Variants in SLC25A28 observed in about 807,000 individuals in gnomAD.
SLC25A28 encodes the protein solute carrier family 25 member 28.
Under a neutral mutation model 31.9 loss-of-function variants are expected in SLC25A28, and 10 were observed. The observed-to-expected ratio is 0.31, with a 90% confidence interval of 0.19 to 0.53. The LOEUF is 0.53. Among genes scored for constraint, SLC25A28 ranks in the 20% least tolerant of loss-of-function variants. SLC25A28 has a pLI of 0.95. For missense variants in SLC25A28, 256 were observed against 490.3 expected (o/e 0.52, Z 4.51); for synonymous variants, 208 against 203.6 (o/e 1.02, Z -0.19).
upstream of SLC25A28, chr10:99,621,850 A>C (rs1395474696): frequency 6.6e-6 from 1 of 152,122 alleles, no homozygotes; most frequent in Non-Finnish European, 1.5e-5. Flanking sequence ...TACTCTCTTC[A>C]GCAGTTGTTA....
the SLC25A28 span, among the ~76,000 whole-genome samples, chr10:99,640,713 CG>C: frequency 6.6e-6 from 1 of 151,352 alleles, no homozygotes; most frequent in African/African-American, 2.4e-5. Context: ...TATCCCTCCC[CG>C]CTCCCGCCAC....
the SLC25A28 span, among the ~76,000 whole-genome samples, chr10:99,651,832 C>G: frequency 6.6e-6 from 1 of 152,048 alleles, no homozygotes; most frequent in African/African-American, 2.4e-5. Context: ...CTCCTCCCAC[C>G]TCAGCCTCCC....
intron 1 of SLC25A28, chr10:99,615,676 C>T: frequency 1.0e-6 from 1 of 985,464 alleles, no homozygotes; most frequent in Non-Finnish European, 1.2e-6. Flanking sequence ...TCATCTTTCA[C>T]ATCACACAAG....
At chr10:99,632,198 G>A in the SLC25A28 span, among the ~76,000 whole-genome samples, 6 of 152,090 alleles carry the variant, frequency 3.9e-5, no homozygotes, top group Non-Finnish European at 8.8e-5. Flanking sequence ...GCCTGGCCCA[G>A]TATGTTATTT....
chr10:99,643,836 T>G, the SLC25A28 span, among the ~76,000 whole-genome samples: 1 of 152,232 alleles, frequency 6.6e-6, no homozygotes, highest in Non-Finnish European at 1.5e-5. Flanking sequence ...CAGTAGTCAT[T>G]CAGGAGCAGG....
In SLC25A28 at chr10:99,618,964, C is replaced by T. The variant is rs75305106; in HGVS notation, c.291+1081G>A. The T allele has an allele frequency of 1.5e-3, 1,442 of 985,446 alleles. 17 individuals are homozygous for T. The African/African-American group carries it at 0.021, about 15-fold the overall frequency. 61.0% of individuals were successfully genotyped at this position (985,446 alleles called of 1,614,324 possible). On this transcript the variant is annotated intron_variant, in intron 1 of 3. Transcript: ENST00000370495. The stretch of plus-strand genomic sequence containing the variant: ...GTCACTGTTTGACTATTACCCTTCA[C>T]ATGTAAAGGAGGCATCGGTCTTTGT...
Position 99,618,259 on chromosome 10 carries a change from C to T in SLC25A28, c.291+1786G>A, listed in dbSNP as rs183989166. 3.2e-5 allele frequency: 31 copies of T among 980,886 alleles called. No homozygotes were observed. The African/African-American group carries it at 4.5e-4, about 14-fold the overall frequency. The allele number at this position is 980,886 out of a possible 1,614,324, so 60.8% of individuals were successfully genotyped here. The stretch of plus-strand genomic sequence containing the variant: ...AATATATGGAGTAAGGAGATAACCT[C>T]CCGTTCTGTTATAATGGAACAGTGG... On this transcript the variant is annotated intron_variant, in intron 1 of 3. Transcript: ENST00000370495.
the SLC25A28 span, among the ~76,000 whole-genome samples, chr10:99,658,539 G>C: frequency 6.6e-6 from 1 of 152,170 alleles, no homozygotes. Context: ...AGGTCAAGTA[G>C]GGCTTTTAGG....
chr10:99,657,702 CAAT>C, the SLC25A28 span, among the ~76,000 whole-genome samples: 1 of 152,024 alleles, frequency 6.6e-6, no homozygotes, highest in African/African-American at 2.4e-5. Context: ...AGGACTTGGT[CAAT>C]GACTCAGTTT....
intron 1 of SLC25A28, chr10:99,615,692 T>TA: frequency 1.0e-6 from 1 of 985,436 alleles, no homozygotes. Flanking sequence ...ACAAGGCATA[T>TA]AAAATCCATC....
In SLC25A28 at chr10:99,613,952, T is replaced by G; in HGVS notation, c.292-28A>C. 1 of 1,559,622 alleles carries G rather than the reference T, an allele frequency of 6.4e-7. No individual in the cohort carries two copies. Among genetic ancestry groups the G allele is most frequent in the Admixed American group, 1.9e-5 (1 of 53,222 alleles). On this transcript the variant is annotated intron_variant, in intron 1 of 3. Coordinates refer to ENST00000370495, the MANE Select transcript of SLC25A28 (RefSeq NM_031212.4). This position sits in a 1 kb window ranked among gnomAD's most constrained non-coding sequence, Gnocchi z 4.9. Reference sequence around the variant, plus strand: ...GAAATTACAGCAAGGAGAAGCGCAATGTCAGCAATGCCAACTTCTCGCCCC... The same window carrying G: ...GAAATTACAGCAAGGAGAAGCGCAAGGTCAGCAATGCCAACTTCTCGCCCC...
upstream of SLC25A28, among the ~76,000 whole-genome samples, chr10:99,625,243 A>G (rs897996166): frequency 7.9e-5 from 12 of 151,926 alleles, no homozygotes; most frequent in African/African-American, 2.4e-4. Context: ...AAGCTTCCAC[A>G]GCATGGAAGG....
At chr10:99,654,726 G>A in the SLC25A28 span, among the ~76,000 whole-genome samples, 1 of 151,946 alleles carries the variant, frequency 6.6e-6, no homozygotes, top group Non-Finnish European at 1.5e-5. Flanking sequence ...CTTCTTTTTC[G>A]GTCATTATAT....
chr10:99,649,762 T>C, the SLC25A28 span, among the ~76,000 whole-genome samples: 4 of 152,248 alleles, frequency 2.6e-5, no homozygotes, highest in African/African-American at 9.6e-5. Context: ...TTGTTCATAA[T>C]AGTCTCTGAT....
chr10:99,639,159 A>C, the SLC25A28 span, among the ~76,000 whole-genome samples: 1 of 151,990 alleles, frequency 6.6e-6, no homozygotes, highest in Non-Finnish European at 1.5e-5. Context: ...CAGCCATAAA[A>C]AGGAGTGAAC....
the SLC25A28 span, among the ~76,000 whole-genome samples, chr10:99,642,242 T>C: frequency 6.6e-6 from 1 of 151,774 alleles, no homozygotes; most frequent in South Asian, 2.1e-4. Context: ...TTTTATTTCA[T>C]TGAGCAGTGG....
rs1395998647 is a variant in SLC25A28, at chr10:99,613,496, T to A, written c.520+200A>T. 22 of 1,439,328 alleles carry A rather than the reference T, an allele frequency of 1.5e-5. No individual in the cohort carries two copies. Among genetic ancestry groups the A allele is most frequent in the Non-Finnish European group, 2.0e-5 (22 of 1,101,964 alleles). 89.2% of individuals were successfully genotyped at this position (1,439,328 alleles called of 1,614,324 possible). On this transcript the variant is annotated intron_variant, in intron 2 of 3. Transcript: ENST00000370495. The surrounding 1 kb of genome is among the most constrained non-coding windows in gnomAD (Gnocchi z 4.9). ...TAAGGGAGGATACTGTAACCCTTTGTTGAGGTGCCCCAAAGGAAAAGGCAG... is the reference window on the plus strand; with the variant it reads ...TAAGGGAGGATACTGTAACCCTTTGATGAGGTGCCCCAAAGGAAAAGGCAG...
upstream of SLC25A28, chr10:99,620,459 T>A (rs1480211229): frequency 9.5e-7 from 1 of 1,048,146 alleles, no homozygotes; most frequent in Non-Finnish European, 1.1e-6. Context: ...GGCTCCCGCT[T>A]GGCCCCGCGG....
At chr10:99,616,668 G>A in intron 1 of SLC25A28, 1 of 985,412 alleles carries the variant, frequency 1.0e-6, no homozygotes, top group Non-Finnish European at 1.2e-6. Context: ...TCAGGGACAA[G>A]CTTTACTGTG....
Sources: allele counts gnomAD v4.1 joint callset (sites outside exome capture counted in the v4.1 genomes callset), GRCh38; gene constraint gnomAD v4.1.1; non-coding constraint Gnocchi (gnomAD v3.1); transcripts MANE v1.5; gene names NCBI Gene and HGNC (gene_info 2026-07-23, HGNC 2026-07-21).